PALS2: variants seen among roughly 807,000 people sequenced by gnomAD.
PALS2 encodes protein PALS2.
PALS2 carries 27 observed loss-of-function variants against 61.6 expected under a neutral mutation model. The observed-to-expected ratio is 0.44, with a 90% confidence interval of 0.32 to 0.60. The LOEUF is 0.60. PALS2 is among the 20% of genes least tolerant of loss of function. The probability of loss-of-function intolerance (pLI) is 0.05; values close to 1 mark genes in which losing one functional copy is unlikely to be tolerated. For missense variants in PALS2, 554 were observed against 639.4 expected (o/e 0.87, Z 1.44); for synonymous variants, 236 against 218.6 (o/e 1.08, Z -0.70).
At chr7:24,608,773 A>C (rs1421210139) in intron 1 of PALS2, among the ~76,000 whole-genome samples, 1 of 151,908 alleles carries the variant, frequency 6.6e-6, no homozygotes, top group Non-Finnish European at 1.5e-5. Flanking sequence ...CAGCTAACTA[A>C]TTTATTTATA....
At chr7:24,590,503 C>G (rs1192935984) in intron 1 of PALS2, among the ~76,000 whole-genome samples, 1 of 152,046 alleles carries the variant, frequency 6.6e-6, no homozygotes, top group Non-Finnish European at 1.5e-5. Context: ...AACCCTGAAT[C>G]CTTGAGAGTA....
chr7:24,653,657 C>T (rs1455683301), intron 5 of PALS2, among the ~76,000 whole-genome samples: 1 of 152,126 alleles, frequency 6.6e-6, no homozygotes. Context: ...GATGATACAG[C>T]AAACATTATC....
At chr7:24,580,133 C>G (rs1170130817) in intron 1 of PALS2, among the ~76,000 whole-genome samples, 1 of 152,096 alleles carries the variant, frequency 6.6e-6, no homozygotes, top group East Asian at 1.9e-4. Flanking sequence ...GAAGTTTTAA[C>G]TTAGGAAAAT....
At chr7:24,620,625 C>T (rs1356673601) in intron 1 of PALS2, among the ~76,000 whole-genome samples, 1 of 151,936 alleles carries the variant, frequency 6.6e-6, no homozygotes. Flanking sequence ...ACAGAAGGTA[C>T]ATTTTTTAAA....
At position 24,650,652 on chromosome 7, in the gene PALS2, T is replaced by C. The variant is rs1312088732; in HGVS notation, c.591T>C (p.Ile197=). The change falls in exon 5 of 12, where the codon ATT becomes ATC. Residue 197 remains isoleucine (I), a synonymous_variant. Transcript: ENST00000222644. The part of the protein sequence containing the change: ...PKELQELLKN[I]SGSVTLKILP... ...AATTACAAGAATTACTGAAAAATAT[T>C]AGTGGAAGTGTCACCCTAAAAATCT... 2 of 1,611,890 alleles carry C rather than the reference T, an allele frequency of 1.2e-6. No homozygotes were observed. Among genetic ancestry groups the C allele is most frequent in the Non-Finnish European group, 1.7e-6 (2 of 1,178,370 alleles).
chr7:24,595,250 G>A (rs921443549), intron 1 of PALS2, among the ~76,000 whole-genome samples: 3 of 151,158 alleles, frequency 2.0e-5, no homozygotes, highest in African/African-American at 7.3e-5. Context: ...AATACGGGAG[G>A]AAGACCAGAT....
At chr7:24,585,297 G>A (rs146278713) in intron 1 of PALS2, among the ~76,000 whole-genome samples, 6,106 of 148,582 alleles carry the variant, frequency 0.041, 175 homozygotes, top group African/African-American at 0.069. Context: ...ACCTATGAGC[G>A]TGGAATGTTC....
At chr7:24,611,814 A>G (rs1339088211) in intron 1 of PALS2, among the ~76,000 whole-genome samples, 1 of 151,938 alleles carries the variant, frequency 6.6e-6, no homozygotes, top group African/African-American at 2.4e-5. Context: ...TAATACTGGT[A>G]TGTTTAAAGC....
chr7:24,686,476 T>G lies in PALS2; in HGVS notation c.1447-962T>G, dbSNP rs1788210149. On this transcript the variant is annotated intron_variant, in intron 11 of 11. Coordinates refer to ENST00000222644, the MANE Select transcript of PALS2 (RefSeq NM_001303037.2). ...TTCCTCTGGATTTTGCCCTGCTGTT[T>G]CCTCTGCCTGAATGCTGACCTCCTT... Among the ~76,000 whole-genome samples the G allele has an allele frequency of 3.9e-5, 6 of 152,210 alleles. No homozygotes were observed. In the South Asian group the frequency reaches 1.2e-3, roughly 32 times the overall value.
In PALS2 at chr7:24,605,504, T is replaced by A. The variant is rs78427519; in HGVS notation, c.-2-18162T>A. 5.2e-3 allele frequency among the ~76,000 whole-genome samples: 799 copies of A among 152,300 alleles called. 30 individuals carry two copies. The East Asian group carries it at 0.091, about 17-fold the overall frequency. Reference sequence around the variant, plus strand: ...ATATAAATACAGTAACACATTATGTTTTAGATATTTATATAAGTATAGAAA... The same window carrying A: ...ATATAAATACAGTAACACATTATGTATTAGATATTTATATAAGTATAGAAA... On this transcript the variant is annotated intron_variant, in intron 1 of 11. Transcript: ENST00000222644.
intron 1 of PALS2, among the ~76,000 whole-genome samples, chr7:24,582,541 AT>A (rs149430953): frequency 0.05 from 7,643 of 151,352 alleles, 242 homozygotes; most frequent in African/African-American, 0.083. Flanking sequence ...AGAAACATTG[AT>A]TTTTTTTTCA....
chr7:24,578,615 T>C (rs1782726727), intron 1 of PALS2, among the ~76,000 whole-genome samples: 1 of 152,210 alleles, frequency 6.6e-6, no homozygotes, highest in African/African-American at 2.4e-5. Flanking sequence ...CTAGTCCTCT[T>C]AGTGGAAAAT....
intron 11 of PALS2, among the ~76,000 whole-genome samples, chr7:24,681,811 C>A (rs1160357047): frequency 6.6e-6 from 1 of 152,170 alleles, no homozygotes; most frequent in Non-Finnish European, 1.5e-5. Context: ...CTACCACTGT[C>A]ACCTTTTCCC....
Position 24,666,119 on chromosome 7 carries a change from A to G in PALS2, c.952+30A>G, listed in dbSNP as rs760491960. The G allele has an allele frequency of 5.1e-6, 8 of 1,555,660 alleles. No individual in the cohort carries two copies. In the East Asian group the frequency reaches 9.0e-5, roughly 17 times the overall value. On this transcript the variant is annotated intron_variant, in intron 8 of 11. Transcript: ENST00000222644. Reference sequence around the variant, plus strand: ...GTTTTAAATACTTTTTGAGAAGTCCAAGTGAAGTAGCTATATGTCATTTAG... The same window carrying G: ...GTTTTAAATACTTTTTGAGAAGTCCGAGTGAAGTAGCTATATGTCATTTAG...
intron 1 of PALS2, among the ~76,000 whole-genome samples, chr7:24,623,360 T>C (rs2128057499): frequency 6.6e-6 from 1 of 152,144 alleles, no homozygotes; most frequent in South Asian, 2.1e-4. Context: ...GAATTTTCTG[T>C]TTTTTCTTGA....
intron 1 of PALS2, among the ~76,000 whole-genome samples, chr7:24,595,517 AT>A (rs1562604236): frequency 1.1e-5 from 1 of 89,512 alleles, no homozygotes; most frequent in African/African-American, 5.6e-5. Context: ...ATAATATATA[AT>A]ATATATAATA....
intron 1 of PALS2, among the ~76,000 whole-genome samples, chr7:24,611,213 A>G (rs1277500343): frequency 6.6e-6 from 1 of 152,112 alleles, no homozygotes; most frequent in Non-Finnish European, 1.5e-5. Flanking sequence ...TTAACATAAT[A>G]AACTGTATTG....
At chr7:24,686,656 A>G (rs908328485) in intron 11 of PALS2, among the ~76,000 whole-genome samples, 1 of 152,072 alleles carries the variant, frequency 6.6e-6, no homozygotes, top group Non-Finnish European at 1.5e-5. Flanking sequence ...TTTCCACTTT[A>G]TCTCCTCCAC....
chr7:24,680,579 A>C, intron 11 of PALS2, 59 bp downstream of exon 11: 1 of 1,522,182 alleles, frequency 6.6e-7, no homozygotes. Flanking sequence ...AGCATGTTTA[A>C]CTGTTATCTA....
Sources: allele counts gnomAD v4.1 joint callset (sites outside exome capture counted in the v4.1 genomes callset), GRCh38; gene constraint gnomAD v4.1.1; transcripts MANE v1.5; gene names NCBI Gene and HGNC (gene_info 2026-07-23, HGNC 2026-07-21).